Variants in WDR64 observed in about 807,000 individuals in gnomAD.
WDR64 encodes the protein WD repeat domain 64.
A neutral mutation model predicts 139.3 loss-of-function variants in WDR64; 112 were observed. That is an observed-to-expected ratio of 0.80 (90% confidence interval 0.69 to 0.94). The LOEUF (loss-of-function observed/expected upper bound fraction) is 0.94. Ranked by LOEUF, WDR64 falls within the 40% of genes least tolerant of loss-of-function variation. WDR64 has a pLI of 0.00. For synonymous variants in WDR64, 444 were observed against 437.7 expected (o/e 1.01, Z -0.18); for missense variants, 1,206 against 1,293.1 (o/e 0.93, Z 1.03).
intron 26 of WDR64, among the ~76,000 whole-genome samples, chr1:241,796,055 C>G (rs939334795): frequency 1.5e-4 from 23 of 151,878 alleles, no homozygotes; most frequent in Non-Finnish European, 3.4e-4. Flanking sequence ...TGAGACCAGC[C>G]TGGGCAACAT....
intron 10 of WDR64, among the ~76,000 whole-genome samples, chr1:241,726,025 A>AT (rs928143667): frequency 1.4e-5 from 2 of 144,910 alleles, no homozygotes; most frequent in African/African-American, 5.0e-5. Flanking sequence ...AATTATTTTT[A>AT]TTTTTTGTAG....
rs150618566 is a variant in WDR64 at position 241,791,292 on chromosome 1, A to C, written c.2997+596A>C. Among the ~76,000 whole-genome samples, 21 of 152,260 alleles carry C rather than the reference A, an allele frequency of 1.4e-4. No homozygotes were observed. In the East Asian group the frequency reaches 4.0e-3, roughly 29 times the overall value. ...CATAGCGAGACTCCCTCTCAAAAAA[A>C]ACAAACAAAAAGCCAGAAATTTGTC... On this transcript the variant is annotated intron_variant, in intron 25 of 27. Coordinates refer to ENST00000437684, the MANE Select transcript of WDR64 (RefSeq NM_001367482.1).
rs1665980999 is a variant in WDR64 at position 241,665,096 on chromosome 1, T to C, written c.276+4436T>C. ...GAAGACTTTAAAAAAACAAAACATA[T>C]GACATTATTCTGTTACATCACTTGG... On this transcript the variant is annotated intron_variant, in intron 2 of 27. Coordinates refer to ENST00000437684, the MANE Select transcript of WDR64 (RefSeq NM_001367482.1). Among the ~76,000 whole-genome samples, 2 of 152,174 alleles carry C rather than the reference T, an allele frequency of 1.3e-5. 1 individual carries two copies.
At chr1:241,756,063 A>G (rs1670177765) in intron 14 of WDR64, among the ~76,000 whole-genome samples, 1 of 152,138 alleles carries the variant, frequency 6.6e-6, no homozygotes, top group South Asian at 2.1e-4. Flanking sequence ...TTGGTTCCAT[A>G]TGAAATTTAA....
chr1:241,795,328 T>A (rs1174210867), intron 26 of WDR64, 41 bp downstream of exon 26: 3 of 1,543,670 alleles, frequency 1.9e-6, no homozygotes, highest in Admixed American at 1.8e-5. Context: ...CACAGAACAG[T>A]AGAGAATCTG....
In WDR64 at chr1:241,724,786, T is replaced by C. The variant is rs116270898; in HGVS notation, c.1194+1350T>C. On this transcript the variant is annotated intron_variant, in intron 10 of 27. Transcript: ENST00000437684. ...CATTCAAACTTTCTGTAAATTATAA[T>C]AACTACCATTTATTGAGTGCTTAAG... 6.8e-3 allele frequency among the ~76,000 whole-genome samples: 1,042 copies of C among 152,354 alleles called. 11 individuals carry two copies. Among genetic ancestry groups the C allele is most frequent in the African/African-American group, 0.024 (993 of 41,586 alleles).
Position 241,668,276 on chromosome 1 carries a change from G to A in WDR64, c.277-2798G>A, listed in dbSNP as rs1202166314. Among the ~76,000 whole-genome samples, 7 of 152,206 alleles carry A rather than the reference G, an allele frequency of 4.6e-5. No homozygotes were observed. In the East Asian group the frequency reaches 1.2e-3, roughly 25 times the overall value. ...TGTAATCCCAGCACTTTGGGAGGCC[G>A]AGGGGGGCGGATCACGAGGTCAGGA... is the stretch of plus-strand genomic sequence containing the variant. On this transcript the variant is annotated intron_variant, in intron 2 of 27. Coordinates refer to ENST00000437684, the MANE Select transcript of WDR64 (RefSeq NM_001367482.1).
chr1:241,653,583 G>A (rs914562554), intron 1 of WDR64, among the ~76,000 whole-genome samples: 20 of 127,580 alleles, frequency 1.6e-4, no homozygotes, highest in Non-Finnish European at 2.1e-4. Context: ...CATTCCTATT[G>A]CCCAGGCTGG....
At chr1:241,764,108 G>A (rs1658040536) in intron 15 of WDR64, among the ~76,000 whole-genome samples, 2 of 152,228 alleles carry the variant, frequency 1.3e-5, no homozygotes, top group Admixed American at 1.3e-4. Flanking sequence ...CAGTGTGGCT[G>A]GAGTAATACT....
chr1:241,703,921 C>A lies in WDR64; in HGVS notation c.975-7881C>A, dbSNP rs534416104. On this transcript the variant is annotated intron_variant, in intron 8 of 27. Transcript: ENST00000437684. This position sits in a 1 kb window ranked among gnomAD's most constrained non-coding sequence, Gnocchi z 5.9. ...ATAAAATCATCAGATCTCATGAGAACTCACTCACTAACACAAGAACAACAC... is the reference window on the plus strand; with the variant it reads ...ATAAAATCATCAGATCTCATGAGAAATCACTCACTAACACAAGAACAACAC... 6.6e-6 allele frequency among the ~76,000 whole-genome samples: 1 copy of A among 152,244 alleles called. No individual in the cohort carries two copies. The highest frequency in any genetic ancestry group is 1.9e-4 in the East Asian group (1 of 5,182).
chr1:241,679,071 A>G (rs1471700820), intron 5 of WDR64, among the ~76,000 whole-genome samples: 2 of 152,078 alleles, frequency 1.3e-5, no homozygotes, highest in Non-Finnish European at 2.9e-5. Flanking sequence ...GGCTCCACTT[A>G]TCATGGACCA....
intron 8 of WDR64, among the ~76,000 whole-genome samples, chr1:241,692,054 C>G (rs1667323360): frequency 6.6e-6 from 1 of 151,670 alleles, no homozygotes; most frequent in Non-Finnish European, 1.5e-5. Flanking sequence ...AAACACAATG[C>G]CATCTACATT....
intron 10 of WDR64, among the ~76,000 whole-genome samples, chr1:241,727,079 G>A (rs1229819149): frequency 6.6e-6 from 1 of 152,004 alleles, no homozygotes; most frequent in Admixed American, 6.5e-5. Flanking sequence ...TAGAGACAGG[G>A]TTTCGTCATG....
intron 8 of WDR64, among the ~76,000 whole-genome samples, chr1:241,692,031 A>G (rs7417418): frequency 6.6e-6 from 1 of 151,668 alleles, no homozygotes; most frequent in African/African-American, 2.4e-5. Flanking sequence ...AAAAAAATAA[A>G]AAAAAAAAAA....
At chr1:241,668,233 G>A (rs888244384) in intron 2 of WDR64, among the ~76,000 whole-genome samples, 17 of 152,310 alleles carry the variant, frequency 1.1e-4, no homozygotes, top group Middle Eastern at 3.4e-3. Flanking sequence ...CTTTGAGCTG[G>A]GCGCGGCAGC....
intron 19 of WDR64, 101 bp from the exon 20 acceptor site, chr1:241,772,691 G>A: frequency 8.0e-7 from 1 of 1,246,136 alleles, no homozygotes; most frequent in Non-Finnish European, 1.1e-6. Context: ...TGGAACTCCT[G>A]ACCTCAAGTG....
In WDR64 at chr1:241,687,596, G is replaced by T; in HGVS notation, c.974+1G>T. ...CCTTGAAGAGACTCGAGGATAATTT[G>T]TAAGTATAGTAATTTATATACATGA... On this transcript the variant is annotated splice_donor_variant, in intron 8 of 27. Coordinates refer to ENST00000437684, the MANE Select transcript of WDR64 (RefSeq NM_001367482.1). LOFTEE classifies it high-confidence loss of function. The T allele has an allele frequency of 1.9e-6, 3 of 1,610,244 alleles. No individual in the cohort carries two copies. Among genetic ancestry groups the T allele is most frequent in the Non-Finnish European group, 2.5e-6 (3 of 1,177,888 alleles).
At chr1:241,781,771 A>G (rs1658853901) in intron 22 of WDR64, among the ~76,000 whole-genome samples, 1 of 144,110 alleles carries the variant, frequency 6.9e-6, no homozygotes, top group Admixed American at 7.1e-5. Flanking sequence ...AATGGAATGC[A>G]ATGCAGTAGA....
chr1:241,775,104 G>C lies in WDR64; in HGVS notation c.2431-1G>C. Reference sequence around the variant, plus strand: ...TTTTATTTGCATTATACTTTATTTAGGGAAGACTACTGAAAGATATGCTAC... The same window carrying C: ...TTTTATTTGCATTATACTTTATTTACGGAAGACTACTGAAAGATATGCTAC... On this transcript the variant is annotated splice_acceptor_variant, in intron 20 of 27. Transcript: ENST00000437684. LOFTEE classifies it high-confidence loss of function. 6.5e-7 allele frequency: 1 copy of C among 1,548,978 alleles called. No homozygotes were observed. Among genetic ancestry groups the C allele is most frequent in the Non-Finnish European group, 8.7e-7 (1 of 1,145,766 alleles).
Sources: gnomAD v4.1 joint callset for allele counts (sites outside exome capture counted in the v4.1 genomes callset) on GRCh38, gnomAD v4.1.1 for gene constraint, Gnocchi (gnomAD v3.1) non-coding constraint, MANE v1.5 for transcripts, NCBI Gene and HGNC (gene_info 2026-07-23, HGNC 2026-07-21) for gene names.